Variants in ZNF362 observed in about 807,000 individuals in gnomAD.
ZNF362 encodes zinc finger protein 362, also known as rotund homolog.
In ZNF362, 11 loss-of-function variants were observed where a neutral mutation model predicts 42.9. That is an observed-to-expected ratio of 0.26 (90% CI 0.16 to 0.42). ZNF362 has a LOEUF of 0.42. ZNF362 is among the 20% of genes least tolerant of loss of function. The pLI is 1.00. For synonymous variants in ZNF362, 255 were observed against 257.3 expected (o/e 0.99, Z 0.09); for missense variants, 362 against 576.2 (o/e 0.63, Z 3.81).
the ZNF362 span, among the ~76,000 whole-genome samples, chr1:33,235,321 A>G: frequency 6.6e-6 from 1 of 152,042 alleles, no homozygotes; most frequent in Non-Finnish European, 1.5e-5. Flanking sequence ...TCCTGGCCAG[A>G]CACATGATTA....
chr1:33,218,682 C>T, the ZNF362 span, among the ~76,000 whole-genome samples: 3 of 151,806 alleles, frequency 2.0e-5, no homozygotes, highest in African/African-American at 7.3e-5. Flanking sequence ...CTGTTTATGT[C>T]CTTTGTCTAT....
chr1:33,278,347 G>T (rs1288314601), intron 4 of ZNF362, among the ~76,000 whole-genome samples: 1 of 152,038 alleles, frequency 6.6e-6, no homozygotes, highest in South Asian at 2.1e-4. Flanking sequence ...AAACATATAT[G>T]TTCCACTTTT....
chr1:33,148,538 G>A, the ZNF362 span, among the ~76,000 whole-genome samples: 1 of 152,156 alleles, frequency 6.6e-6, no homozygotes, highest in Non-Finnish European at 1.5e-5. Context: ...TTTTACCTAT[G>A]ACGAGAGGAC....
At chr1:33,297,394 A>G (rs990633589) in intron 8 of ZNF362, among the ~76,000 whole-genome samples, 1 of 152,186 alleles carries the variant, frequency 6.6e-6, no homozygotes, top group African/African-American at 2.4e-5. Flanking sequence ...ATACCTTTGG[A>G]ATATCAAAAA....
chr1:33,261,923 ACTT>A (rs1438968303), intron 1 of ZNF362, among the ~76,000 whole-genome samples: 1 of 152,194 alleles, frequency 6.6e-6, no homozygotes, highest in Admixed American at 6.5e-5. Flanking sequence ...TGGGACAGTT[ACTT>A]CTTCTCTAGT....
the ZNF362 span, among the ~76,000 whole-genome samples, chr1:33,201,756 G>C: frequency 6.6e-6 from 1 of 152,040 alleles, no homozygotes; most frequent in African/African-American, 2.4e-5. Flanking sequence ...AGAAATAAAT[G>C]ATAAAGATGA....
At chr1:33,253,549 G>C (rs933336175), upstream of ZNF362, among the ~76,000 whole-genome samples, 1 of 151,978 alleles carries the variant, frequency 6.6e-6, no homozygotes, top group Non-Finnish European at 1.5e-5. Flanking sequence ...AGCTTTCCAG[G>C]TGGCTAGGGA....
At chr1:33,175,854 A>G in the ZNF362 span, among the ~76,000 whole-genome samples, 2 of 152,220 alleles carry the variant, frequency 1.3e-5, no homozygotes, top group Non-Finnish European at 2.9e-5. Flanking sequence ...AACTTGGGCT[A>G]TAATTTTATA....
the ZNF362 span, among the ~76,000 whole-genome samples, chr1:33,193,092 C>T: frequency 2.7e-5 from 4 of 150,796 alleles, no homozygotes; most frequent in African/African-American, 9.7e-5. Context: ...AAAAGAAGTT[C>T]CTTTTATCTC....
chr1:33,257,001 A>C (rs1645797535), intron 1 of ZNF362, among the ~76,000 whole-genome samples: 1 of 152,206 alleles, frequency 6.6e-6, no homozygotes, highest in African/African-American at 2.4e-5. Context: ...ACAATGATTC[A>C]TGGGGCATAA....
the ZNF362 span, chr1:33,145,852 C>T: frequency 4.2e-6 from 2 of 471,160 alleles, no homozygotes; most frequent in South Asian, 3.1e-5. Flanking sequence ...CCCACCCTAA[C>T]TTCCTTCTAG....
the ZNF362 span, among the ~76,000 whole-genome samples, chr1:33,223,528 T>C: frequency 6.6e-6 from 1 of 152,258 alleles, no homozygotes; most frequent in South Asian, 2.1e-4. Flanking sequence ...TCTATTACCA[T>C]TTACCTCCTT....
intron 8 of ZNF362, among the ~76,000 whole-genome samples, chr1:33,297,261 A>G (rs1407657207): frequency 6.6e-6 from 1 of 152,180 alleles, no homozygotes; most frequent in Non-Finnish European, 1.5e-5. Context: ...AACCTCCTAC[A>G]CCATCAACCA....
At chr1:33,149,054 C>T in the ZNF362 span, among the ~76,000 whole-genome samples, 1 of 152,212 alleles carries the variant, frequency 6.6e-6, no homozygotes, top group Non-Finnish European at 1.5e-5. Flanking sequence ...GCAACCACCC[C>T]CAGAGGCTCA....
the ZNF362 span, among the ~76,000 whole-genome samples, chr1:33,141,263 G>A: frequency 3.3e-5 from 5 of 151,884 alleles, no homozygotes; most frequent in Non-Finnish European, 7.4e-5. Context: ...TCTCCTCTGA[G>A]CACCTCCCTC....
upstream of ZNF362, among the ~76,000 whole-genome samples, chr1:33,253,192 G>C (rs940475510): frequency 4.1e-5 from 6 of 146,726 alleles, no homozygotes; most frequent in Admixed American, 1.4e-4. Flanking sequence ...CATGAAGGTG[G>C]ATGGTGTGTT....
chr1:33,255,386 C>T (rs1570374233), upstream of ZNF362, among the ~76,000 whole-genome samples: 1 of 152,212 alleles, frequency 6.6e-6, no homozygotes, highest in South Asian at 2.1e-4. Context: ...GGACTGTGCG[C>T]TCCCTGAGGG....
At chr1:33,169,370 C>A in the ZNF362 span, among the ~76,000 whole-genome samples, 1 of 152,206 alleles carries the variant, frequency 6.6e-6, no homozygotes, top group Admixed American at 6.5e-5. Flanking sequence ...GGAATTTGTT[C>A]TCTCCTCTCT....
At chr1:33,233,458 T>C in the ZNF362 span, among the ~76,000 whole-genome samples, 6 of 151,436 alleles carry the variant, frequency 4.0e-5, no homozygotes, top group South Asian at 2.1e-4. Flanking sequence ...GGCTGGAGTG[T>C]AGTGGTGCAA....
Sources: gnomAD v4.1 joint callset for allele counts (sites outside exome capture counted in the v4.1 genomes callset) on GRCh38, gnomAD v4.1.1 for gene constraint, MANE v1.5 for transcripts, NCBI Gene and HGNC (gene_info 2026-07-23, HGNC 2026-07-21) for gene names.